The following ACRV1 variants were observed in gnomAD, a reference collection of about 807,000 sequenced individuals.
ACRV1 encodes acrosomal protein SP-10.
In ACRV1, 17 loss-of-function variants were observed where a neutral mutation model predicts 29.2. The observed-to-expected ratio is 0.58, with a 90% CI of 0.40 to 0.87. The LOEUF (loss-of-function observed/expected upper bound fraction) is 0.87, where lower values mean the gene tolerates loss of function less well. Among genes scored for constraint, ACRV1 ranks in the 40% least tolerant of loss-of-function variants. The pLI is 0.00. For synonymous variants in ACRV1, 98 were observed against 111.6 expected, an observed-to-expected ratio of 0.88 and a Z score of 0.77; for missense variants, 294 against 316.0, an observed-to-expected ratio of 0.93 and a Z score of 0.53.
chr11:125,679,228 T>TTTTTTTTTTTTTTTTTTTTTG (rs1454887323), intron 1 of ACRV1, among the ~76,000 whole-genome samples: 3 of 145,560 alleles, frequency 2.1e-5, no homozygotes, highest in African/African-American at 7.7e-5. Context: ...TTTTTTTTTT[T>TTTTTTTTTTTTTTTTTTTTTG]TGTTTCAAAG....
At chr11:125,678,978 TTA>T (rs10522682) in intron 1 of ACRV1, among the ~76,000 whole-genome samples, 12 of 88,426 alleles carry the variant, frequency 1.4e-4, no homozygotes, top group South Asian at 4.5e-4. Context: ...TCTAGGCATA[TTA>T]TATATATATA....
intron 3 of ACRV1, among the ~76,000 whole-genome samples, chr11:125,675,393 T>C (rs989441435): frequency 2.0e-5 from 3 of 152,250 alleles, no homozygotes; most frequent in Non-Finnish European, 2.9e-5. Context: ...ACACAGTTTA[T>C]ATTTGAGTCA....
At position 125,678,266 on chromosome 11, in the gene ACRV1, G is replaced by A. The variant is rs1167253758; in HGVS notation, c.84C>T (p.Gly28=). The A allele has an allele frequency of 1.9e-6, 3 of 1,614,122 alleles. No individual in the cohort carries two copies. The highest frequency in any genetic ancestry group is 2.2e-5 in the East Asian group (1 of 44,884). The part of the protein sequence containing the change: ...GTSSQPNELS[G]SIDHQTSVQQ... The stretch of plus-strand genomic sequence containing the variant: ...GAACTGAAGTTTGATGATCTATGGA[G>A]CCAGAAAGCTCATTAGGCTGACTTG... Residue 28 remains glycine (G), a synonymous_variant, in exon 2 of 4, where the codon GGC becomes GGT. Transcript: ENST00000533904.
chr11:125,677,754 C>T (rs772622246), intron 2 of ACRV1, 43 bp downstream of exon 2: 2 of 1,604,334 alleles, frequency 1.2e-6, no homozygotes, highest in Non-Finnish European at 1.7e-6. Context: ...TCCCCATTTC[C>T]CACCTGAAGT....
At position 125,680,757 on chromosome 11, in the gene ACRV1, CATT is replaced by C; in HGVS notation, c.21_23del (p.Met8del). 6 of 1,613,760 alleles carry C rather than the reference CATT, an allele frequency of 3.7e-6. No individual in the cohort carries two copies. Among genetic ancestry groups the C allele is most frequent in the Non-Finnish European group, 5.1e-6 (6 of 1,179,800 alleles). ...TGGCAGATCCAAGCAGATAAAGACT[CATT>C]AGCAAGAGAAACCTGTTCATCTGGA... On this transcript the variant is annotated inframe_deletion, in exon 1 of 4. Coordinates refer to ENST00000533904, the MANE Select transcript of ACRV1 (RefSeq NM_001612.6).
chr11:125,680,668 C>T, intron 1 of ACRV1, 61 bp downstream of exon 1: 1 of 1,461,888 alleles, frequency 6.8e-7, no homozygotes, highest in South Asian at 1.2e-5. Flanking sequence ...TTCTTCAAGG[C>T]CTGAAATGTC....
rs1942235343 is a variant in ACRV1, at chr11:125,672,452, G to A, written c.*141C>T. On this transcript the variant is annotated 3_prime_UTR_variant, in exon 4 of 4. Coordinates refer to ENST00000533904, the MANE Select transcript of ACRV1 (RefSeq NM_001612.6). The stretch of plus-strand genomic sequence containing the variant: ...AAGCATGAATAGAAGAAGAAAGATA[G>A]GATGTTTGAGCATCCTAATGCTCAG... 1.1e-6 allele frequency: 1 copy of A among 914,566 alleles called. No individual in the cohort carries two copies. The highest frequency in any genetic ancestry group is 2.4e-5 in the East Asian group (1 of 40,872). 56.7% of individuals were successfully genotyped at this position (914,566 alleles called of 1,614,324 possible). A position where few individuals can be genotyped will look rare whatever the true frequency, so the allele number is the denominator to read the frequency against.
intron 1 of ACRV1, among the ~76,000 whole-genome samples, chr11:125,678,749 T>A (rs895452833): frequency 1.3e-5 from 2 of 151,850 alleles, no homozygotes; most frequent in African/African-American, 4.8e-5. Context: ...AGAAAGCAAG[T>A]AGTTTTCAAT....
At chr11:125,676,503 G>A in intron 2 of ACRV1, 25 bp from the exon 3 acceptor site, 1 of 1,613,712 alleles carries the variant, frequency 6.2e-7, no homozygotes, top group African/African-American at 1.3e-5. Context: ...TAAGCCTGAT[G>A]ACATTTCCTT....
At chr11:125,680,651 G>A (rs1257198947) in intron 1 of ACRV1, 78 bp downstream of exon 1, 6 of 1,330,588 alleles carry the variant, frequency 4.5e-6, no homozygotes, top group African/African-American at 1.5e-5. Flanking sequence ...TGAGAGACTG[G>A]TCTTCCTTCT....
In ACRV1 at chr11:125,675,948, C is replaced by G. The variant is rs147155857; in HGVS notation, c.673+411G>C. ...TTTAGATGGAGTTTCACTCTTGTCT[C>G]CCAGGCTGGAGTACAATGGCATGAT... On this transcript the variant is annotated intron_variant, in intron 3 of 3. Coordinates refer to ENST00000533904, the MANE Select transcript of ACRV1 (RefSeq NM_001612.6). The G allele has an allele frequency of 6.2e-3, 980 of 157,080 alleles. 8 individuals are homozygous for G. Among genetic ancestry groups the G allele is most frequent in the African/African-American group, 0.022 (933 of 41,602 alleles). 9.7% of individuals were successfully genotyped at this position (157,080 alleles called of 1,614,324 possible). A position where few individuals can be genotyped will look rare whatever the true frequency, so the allele number is the denominator to read the frequency against.
chr11:125,672,747 A>C (rs1000218137), intron 3 of ACRV1, 30 bp from the exon 4 acceptor site: 23 of 1,612,538 alleles, frequency 1.4e-5, no homozygotes, highest in Non-Finnish European at 1.9e-5. Context: ...ACTAGTGAGC[A>C]GAAAGCTTCG....
intron 3 of ACRV1, among the ~76,000 whole-genome samples, chr11:125,674,777 C>T (rs560007903): frequency 6.6e-6 from 1 of 152,270 alleles, no homozygotes; most frequent in African/African-American, 2.4e-5. Flanking sequence ...TTTTAAAATG[C>T]ATATCATACT....
intron 3 of ACRV1, among the ~76,000 whole-genome samples, chr11:125,674,451 G>T (rs1942384706): frequency 6.6e-6 from 1 of 152,056 alleles, no homozygotes; most frequent in East Asian, 1.9e-4. Flanking sequence ...GAGAAAACAT[G>T]AAAACATGAA....
intron 3 of ACRV1, among the ~76,000 whole-genome samples, chr11:125,674,394 T>C (rs1942380772): frequency 6.6e-6 from 1 of 152,192 alleles, no homozygotes; most frequent in Admixed American, 6.5e-5. Context: ...ATTGTTAGCA[T>C]TTCGATTAGA....
Position 125,678,058 on chromosome 11 carries a change from G to T in ACRV1, c.292C>A (p.Pro98Thr), listed in dbSNP as rs751885918. Reference sequence around the variant, plus strand: ...CCTTCAGCATGTTCAGTCGCAGCGGGCTCACCTGAAGCATGCTCACTCTCA... The same window carrying T: ...CCTTCAGCATGTTCAGTCGCAGCGGTCTCACCTGAAGCATGCTCACTCTCA... Reference protein sequence around the residue: ...HAESEHASGEPAATEHAEGEH... With the variant: ...HAESEHASGETAATEHAEGEH... The change falls in exon 2 of 4, where the codon CCC becomes ACC. Residue 98 changes from proline (P) to threonine (T), a missense_variant. Physicochemically the swap from Pro to Thr is conservative, Grantham distance 38. Transcript: ENST00000533904. 1.9e-6 allele frequency: 3 copies of T among 1,614,174 alleles called. No individual in the cohort carries two copies. The highest frequency in any genetic ancestry group is 2.5e-6 in the Non-Finnish European group (3 of 1,180,038).
intron 3 of ACRV1, among the ~76,000 whole-genome samples, chr11:125,674,328 G>A (rs957781445): frequency 6.6e-6 from 1 of 152,186 alleles, no homozygotes; most frequent in African/African-American, 2.4e-5. Flanking sequence ...ATTAAGGGGG[G>A]CATAGTATCA....
rs917184254 is a variant in ACRV1 at position 125,672,486 on chromosome 11, A to G, written c.*107T>C. The G allele has an allele frequency of 7.6e-7, 1 of 1,310,922 alleles. No individual in the cohort carries two copies. Among genetic ancestry groups the G allele is most frequent in the Non-Finnish European group, 1.1e-6 (1 of 944,552 alleles). 81.2% of individuals were successfully genotyped at this position (1,310,922 alleles called of 1,614,324 possible). A position where few individuals can be genotyped will look rare whatever the true frequency, so the allele number is the denominator to read the frequency against. On this transcript the variant is annotated 3_prime_UTR_variant, in exon 4 of 4. Transcript: ENST00000533904. ...AGCATCCTAATGCTCAGGCAGAGGC[A>G]GATGTGGTCAGTTGTTGACTGGGGA... is the stretch of plus-strand genomic sequence containing the variant.
intron 1 of ACRV1, 142 bp downstream of exon 1, chr11:125,680,587 C>T (rs907225387): frequency 1.4e-5 from 10 of 705,920 alleles, no homozygotes; most frequent in African/African-American, 5.4e-5. Context: ...AGGAGCTCTC[C>T]GAGTTGGACT....
Sources: allele counts gnomAD v4.1 joint callset (sites outside exome capture counted in the v4.1 genomes callset), GRCh38; gene constraint gnomAD v4.1.1; transcripts MANE v1.5; gene names NCBI Gene and HGNC (gene_info 2026-07-23, HGNC 2026-07-21).